Variants in TBC1D9B observed in about 807,000 individuals in gnomAD.
The protein encoded by TBC1D9B is TBC1 domain family, member 9B (with GRAM domain).
In TBC1D9B, 87 loss-of-function variants were observed where a neutral mutation model predicts 121.1. That is an observed-to-expected ratio of 0.72 (90% CI 0.60 to 0.86). The LOEUF (loss-of-function observed/expected upper bound fraction) is 0.86, where lower values mean the gene tolerates loss of function less well. TBC1D9B is among the 40% of genes least tolerant of loss of function. TBC1D9B has a pLI of 0.00. For synonymous variants in TBC1D9B, 668 were observed against 670.1 expected (o/e 1.00, Z 0.05); for missense variants, 1,540 against 1,628.6 (o/e 0.95, Z 0.94).
chr5:179,888,261 A>G lies in TBC1D9B; in HGVS notation c.1096T>C (p.Ser366Pro). 7 of 1,611,412 alleles carry G rather than the reference A, an allele frequency of 4.3e-6. No homozygotes were observed. Among genetic ancestry groups the G allele is most frequent in the Non-Finnish European group, 5.9e-6 (7 of 1,179,242 alleles). Residue 366 changes from serine to proline, a missense_variant, in exon 7 of 21, where the codon TCC becomes CCC. Physicochemically the swap from Ser to Pro is moderately conservative, Grantham distance 74 (BLOSUM62 -1). Transcript: ENST00000355235. ...DSSSVLPSPL[S>P]ISTKSKMTFL... ...GTCATTTTGCTTTTGGTGCTGATGGACAGGGGGCTGGGCAGCACGCTGGAG... is the reference window on the plus strand; with the variant it reads ...GTCATTTTGCTTTTGGTGCTGATGGGCAGGGGGCTGGGCAGCACGCTGGAG...
chr5:179,865,981 G>A lies in TBC1D9B; in HGVS notation c.2864-93C>T, dbSNP rs1237735597. On this transcript the variant is annotated intron_variant, in intron 18 of 20. Coordinates refer to ENST00000355235, the MANE Select transcript of TBC1D9B (RefSeq NM_015043.4). This position sits in a 1 kb window ranked among gnomAD's most constrained non-coding sequence, Gnocchi z 5.1. ...TCCTTGAGATGTAGTCTGTGTTTCTGTACAGCCAGCCCCAGGCCAGGCCCT... is the reference window on the plus strand; with the variant it reads ...TCCTTGAGATGTAGTCTGTGTTTCTATACAGCCAGCCCCAGGCCAGGCCCT... 1 of 1,509,610 alleles carries A rather than the reference G, an allele frequency of 6.6e-7. No individual in the cohort carries two copies. Among genetic ancestry groups the A allele is most frequent in the Non-Finnish European group, 9.2e-7 (1 of 1,089,616 alleles). The allele number at this position is 1,509,610 out of a possible 1,614,324, so 93.5% of individuals were successfully genotyped here.
Position 179,875,885 on chromosome 5 carries a change from G to A in TBC1D9B, c.1900+35C>T, listed in dbSNP as rs780595525. ...CCCTCATGGAACCAGCAGGCACCTG[G>A]AGACCCAGGCGAGGCAGCACCCGGG... On this transcript the variant is annotated intron_variant, in intron 11 of 20. Coordinates refer to ENST00000355235, the MANE Select transcript of TBC1D9B (RefSeq NM_015043.4). The surrounding 1 kb of genome is among the most constrained non-coding windows in gnomAD (Gnocchi z 4.5). The A allele has an allele frequency of 2.5e-5, 39 of 1,535,508 alleles. No individual in the cohort carries two copies. The South Asian group carries it at 2.9e-4, about 11-fold the overall frequency.
Position 179,899,977 on chromosome 5 carries a change from C to A in TBC1D9B, c.230-670G>T, listed in dbSNP as rs189236515. 2.3e-3 allele frequency among the ~76,000 whole-genome samples: 356 copies of A among 152,278 alleles called. 2 individuals carry two copies. The highest frequency in any genetic ancestry group is 7.9e-3 in the African/African-American group (330 of 41,550). On this transcript the variant is annotated intron_variant, in intron 2 of 20. Transcript: ENST00000355235. ...GGGCGCCGTGTCTCATGCCTGTAAT[C>A]CCAGCACTTTGGGAGGCTGAGGCAG...
At chr5:179,870,712 C>A in intron 15 of TBC1D9B, 1 of 687,342 alleles carries the variant, frequency 1.5e-6, no homozygotes. Context: ...GAGACAGAGT[C>A]CTTGGCAGCC....
Position 179,891,398 on chromosome 5 carries a change from A to G in TBC1D9B, c.1025T>C (p.Leu342Pro). ...GCTGACCTCCCTCAGGGGTATGATG[A>G]GGTGGCAAGCGTCCTCCTCCTTGCT... The part of the protein sequence containing the change: ...FASKEEDACH[L>P]IIPLREVTIV... The change falls in exon 6 of 21, where the codon CTC (leucine) becomes CCC (proline). Residue 342 changes from leucine to proline, a missense_variant. Transcript: ENST00000355235. This position sits in a 1 kb window ranked among gnomAD's most constrained non-coding sequence, Gnocchi z 4.3. The G allele has an allele frequency of 6.2e-7, 1 of 1,614,196 alleles. No individual in the cohort carries two copies. The highest frequency in any genetic ancestry group is 8.5e-7 in the Non-Finnish European group (1 of 1,180,022).
Position 179,879,614 on chromosome 5 carries a change from C to T in TBC1D9B, c.1416+14G>A, listed in dbSNP as rs775571651. 3.0e-5 allele frequency: 48 copies of T among 1,613,576 alleles called. No individual in the cohort carries two copies. The highest frequency in any genetic ancestry group is 2.2e-4 in the East Asian group (10 of 44,882). ...CTCTTGACGGAGGCTGGAGTGCCGGCGCTCAGGGCTCACCCCCTTGGCTCC... is the reference window on the plus strand; with the variant it reads ...CTCTTGACGGAGGCTGGAGTGCCGGTGCTCAGGGCTCACCCCCTTGGCTCC... On this transcript the variant is annotated intron_variant, in intron 8 of 20. Transcript: ENST00000355235.
At chr5:179,879,276 G>A (rs1245268394) in intron 8 of TBC1D9B, 79 bp from the exon 9 acceptor site, 21 of 1,525,930 alleles carry the variant, frequency 1.4e-5, no homozygotes, top group South Asian at 1.4e-4. Flanking sequence ...CGGAAGCCTC[G>A]TGAACACTCC....
intron 18 of TBC1D9B, chr5:179,867,424 C>T: frequency 6.4e-7 from 1 of 1,550,422 alleles, no homozygotes; most frequent in Non-Finnish European, 8.7e-7. Context: ...CAGGGGGCGC[C>T]CCTGCCTTCC....
At chr5:179,870,129 G>C in intron 16 of TBC1D9B, 126 bp downstream of exon 16, 1 of 1,477,336 alleles carries the variant, frequency 6.8e-7, no homozygotes, top group East Asian at 2.3e-5. Flanking sequence ...CCCGTATCTA[G>C]GGCCAGGGGC....
rs1759878245 is a variant in TBC1D9B at position 179,862,623 on chromosome 5, A to G, written c.*825T>C. 1.1e-5 allele frequency: 5 copies of G among 456,184 alleles called. No individual in the cohort carries two copies. Among genetic ancestry groups the G allele is most frequent in the Non-Finnish European group, 2.2e-5 (5 of 226,636 alleles). The allele number at this position is 456,184 out of a possible 1,614,324, so 28.3% of individuals were successfully genotyped here. On this transcript the variant is annotated 3_prime_UTR_variant, in exon 21 of 21. Transcript: ENST00000355235. ...CCTTGCACTCTTCCACCCACTGTGGAGGACTAAGTGTCTTGAACTTCCAGA... is the reference window on the plus strand; with the variant it reads ...CCTTGCACTCTTCCACCCACTGTGGGGGACTAAGTGTCTTGAACTTCCAGA...
Position 179,904,963 on chromosome 5 carries a change from A to C in TBC1D9B, c.119-151T>G, listed in dbSNP as rs1226815993. On this transcript the variant is annotated intron_variant, in intron 1 of 20. Transcript: ENST00000355235. The surrounding 1 kb of genome is among the most constrained non-coding windows in gnomAD (Gnocchi z 4.2). Reference sequence around the variant, plus strand: ...ACGTCCGGAATGACCCCTGCGGTCAAAGGCCTTCAGCCAGTGTCTGATCCC... The same window carrying C: ...ACGTCCGGAATGACCCCTGCGGTCACAGGCCTTCAGCCAGTGTCTGATCCC... 1 of 584,092 alleles carries C rather than the reference A, an allele frequency of 1.7e-6. No homozygotes were observed. Among genetic ancestry groups the C allele is most frequent in the African/African-American group, 1.9e-5 (1 of 51,284 alleles). 36.2% of individuals were successfully genotyped at this position (584,092 alleles called of 1,614,324 possible). A position where few individuals can be genotyped will look rare whatever the true frequency, so the allele number is the denominator to read the frequency against.
intron 6 of TBC1D9B, 26 bp from the exon 7 acceptor site, chr5:179,888,338 G>A (rs573912825): frequency 1.2e-6 from 2 of 1,609,646 alleles, no homozygotes; most frequent in South Asian, 1.1e-5. Flanking sequence ...AACTCTTTTG[G>A]GTGTCTGCAT....
At chr5:179,866,228 T>C (rs1220860774) in intron 18 of TBC1D9B, 2 of 234,160 alleles carry the variant, frequency 8.5e-6, no homozygotes, top group Non-Finnish European at 1.7e-5. Flanking sequence ...ACGAATTCTA[T>C]AGTTCCTGCT....
Position 179,865,906 on chromosome 5 carries a change from T to TA in TBC1D9B, c.2864-19dup. 6.2e-7 allele frequency: 1 copy of TA among 1,613,720 alleles called. No homozygotes were observed. Among genetic ancestry groups the TA allele is most frequent in the South Asian group, 1.1e-5 (1 of 91,070 alleles). ...TAGTGCTTCTGGACAAACGCAAAAA[T>TA]AAAAAGAACATGAATAACATTCTGC... On this transcript the variant is annotated intron_variant, in intron 18 of 20. Coordinates refer to ENST00000355235, the MANE Select transcript of TBC1D9B (RefSeq NM_015043.4). This position sits in a 1 kb window ranked among gnomAD's most constrained non-coding sequence, Gnocchi z 5.1.
At position 179,894,524 on chromosome 5, in the gene TBC1D9B, G is replaced by A. The variant is rs1760966108; in HGVS notation, c.439C>T (p.Gln147Ter). 6.2e-7 allele frequency: 1 copy of A among 1,614,252 alleles called. No homozygotes were observed. Among genetic ancestry groups the A allele is most frequent in the East Asian group, 2.2e-5 (1 of 44,890 alleles). The part of the protein sequence containing the change: ...FKEAELKMRK[Q>*]FGMPEGEKLV... ...TTCTCGCCCTCAGGCATCCCAAACT[G>A]CTTCCGCATCTTCAGCTCAGCCTCC... is the stretch of plus-strand genomic sequence containing the variant. The change falls in exon 4 of 21, where the codon CAG becomes TAG. Residue 147 changes from glutamine (Q) to a stop codon, truncating the protein, a stop_gained. Transcript: ENST00000355235. LOFTEE classifies it high-confidence loss of function.
At position 179,863,940 on chromosome 5, in the gene TBC1D9B, T is replaced by C. The variant is rs182500030; in HGVS notation, c.3210A>G (p.Pro1070=). The stretch of plus-strand genomic sequence containing the variant: ...CTGCGTCCTGATGCAGTTCGGGTGC[T>C]GGTGGCTCGTCCTCCTCAGTGGCAC... ...RDCATEEDEP[P]APELHQDAAR... The change falls in exon 21 of 21, where the codon CCA becomes CCG. Residue 1070 remains proline (P), a synonymous_variant. Transcript: ENST00000355235. The surrounding 1 kb of genome is among the most constrained non-coding windows in gnomAD (Gnocchi z 4.5). 26 of 1,613,878 alleles carry C rather than the reference T, an allele frequency of 1.6e-5. No homozygotes were observed. In the East Asian group the frequency reaches 5.8e-4, roughly 36 times the overall value.
chr5:179,903,409 T>C (rs759227065), intron 2 of TBC1D9B, among the ~76,000 whole-genome samples: 6 of 152,176 alleles, frequency 3.9e-5, no homozygotes, highest in Non-Finnish European at 8.8e-5. Flanking sequence ...TCCGCACTCT[T>C]GGACGGGTGA....
intron 18 of TBC1D9B, chr5:179,866,170 G>A (rs1322237264): frequency 1.5e-5 from 6 of 403,842 alleles, no homozygotes; most frequent in Non-Finnish European, 4.6e-6. Context: ...TCAACATGCT[G>A]GTTTTGACGT....
chr5:179,864,052 G>A lies in TBC1D9B; in HGVS notation c.3098C>T (p.Ala1033Val). The A allele has an allele frequency of 1.2e-6, 2 of 1,613,754 alleles. No homozygotes were observed. Among genetic ancestry groups the A allele is most frequent in the African/African-American group, 1.3e-5 (1 of 75,072 alleles). Residue 1033 changes from alanine (A) to valine (V), a missense_variant, in exon 21 of 21, where the codon GCC becomes GTC. Physicochemically the swap from Ala to Val is moderately conservative, Grantham distance 64. Coordinates refer to ENST00000355235, the MANE Select transcript of TBC1D9B (RefSeq NM_015043.4). ...CAGGAGGCTGGCCACGGTGGCGATGGCGTGGTACAGGTCCTGCTCCATGGG... is the reference window on the plus strand; with the variant it reads ...CAGGAGGCTGGCCACGGTGGCGATGACGTGGTACAGGTCCTGCTCCATGGG... Reference protein sequence around the residue: ...EDPMEQDLYHAIATVASLLLR... With the variant: ...EDPMEQDLYHVIATVASLLLR...
Sources: gnomAD v4.1 joint callset for allele counts (sites outside exome capture counted in the v4.1 genomes callset) on GRCh38, gnomAD v4.1.1 for gene constraint, Gnocchi (gnomAD v3.1) non-coding constraint, MANE v1.5 for transcripts, NCBI Gene and HGNC (gene_info 2026-07-23, HGNC 2026-07-21) for gene names.